Variants in FOXO3 observed in about 807,000 individuals in gnomAD.
FOXO3 encodes the protein forkhead box protein O3.
FOXO3 carries 4 observed loss-of-function variants against 41.9 expected under a neutral mutation model. The ratio of observed to expected loss-of-function variants is 0.10; its 90% CI spans 0.05 to 0.22. The LOEUF is 0.22. FOXO3 is among the 10% of genes least tolerant of loss of function. FOXO3 has a pLI of 1.00. For missense variants in FOXO3, 534 were observed against 906.8 expected (o/e 0.59, Z 5.28); for synonymous variants, 318 against 389.3 (o/e 0.82, Z 2.16).
In FOXO3 at chr6:108,605,526, C is replaced by G. The variant is rs148751960; in HGVS notation, c.621+43697C>G. Among the ~76,000 whole-genome samples the G allele has an allele frequency of 8.2e-3, 1,243 of 152,282 alleles. 14 individuals carry two copies. Among genetic ancestry groups the G allele is most frequent in the African/African-American group, 0.028 (1,183 of 41,540 alleles). On this transcript the variant is annotated intron_variant, in intron 1 of 2. Transcript: ENST00000406360. ...GTCTTTTACATACAGTATTTCTAAT[C>G]TATACCTTGGAAGTTGCTCATTTCT... is the stretch of plus-strand genomic sequence containing the variant.
intron 1 of FOXO3, among the ~76,000 whole-genome samples, chr6:108,578,636 G>A (rs1776326062): frequency 6.6e-6 from 1 of 152,018 alleles, no homozygotes; most frequent in Non-Finnish European, 1.5e-5. Context: ...TTTTTTTTGT[G>A]TGTGATCTTT....
rs1777243905 is a variant in FOXO3 at position 108,607,615 on chromosome 6, A to G, written c.621+45786A>G. 2.0e-5 allele frequency among the ~76,000 whole-genome samples: 3 copies of G among 152,116 alleles called. No homozygotes were observed. In the South Asian group the frequency reaches 6.2e-4, roughly 32 times the overall value. Reference sequence around the variant, plus strand: ...CTTGCTCTGTTTAGATGTCTAGATGATTATGGATACATTCTTTTCAGTCTC... The same window carrying G: ...CTTGCTCTGTTTAGATGTCTAGATGGTTATGGATACATTCTTTTCAGTCTC... On this transcript the variant is annotated intron_variant, in intron 1 of 2. Coordinates refer to ENST00000406360, the MANE Select transcript of FOXO3 (RefSeq NM_001455.4).
intron 1 of FOXO3, among the ~76,000 whole-genome samples, chr6:108,652,667 A>G (rs1778578673): frequency 6.6e-6 from 1 of 152,248 alleles, no homozygotes; most frequent in Admixed American, 6.5e-5. Context: ...TGTTTAGAAA[A>G]TAAAATGAGA....
intron 1 of FOXO3, among the ~76,000 whole-genome samples, chr6:108,615,221 A>T (rs1360277100): frequency 6.6e-6 from 1 of 152,060 alleles, no homozygotes; most frequent in Non-Finnish European, 1.5e-5. Flanking sequence ...TTAAGTTCAG[A>T]TGCCCATCTG....
At chr6:108,670,032 C>T (rs1228653220) in intron 2 of FOXO3, among the ~76,000 whole-genome samples, 6 of 152,160 alleles carry the variant, frequency 3.9e-5, no homozygotes, top group Admixed American at 2.6e-4. Context: ...TAGAGTCTTC[C>T]CCCAGGGGCC....
At chr6:108,611,556 A>G (rs1777364576) in intron 1 of FOXO3, among the ~76,000 whole-genome samples, 1 of 152,094 alleles carries the variant, frequency 6.6e-6, no homozygotes, top group South Asian at 2.1e-4. Flanking sequence ...ACTTTTCTCC[A>G]TTGTATAATG....
intron 1 of FOXO3, among the ~76,000 whole-genome samples, chr6:108,578,837 T>A (rs1041600719): frequency 6.6e-6 from 1 of 152,126 alleles, no homozygotes; most frequent in African/African-American, 2.4e-5. Flanking sequence ...GCTCTCGTGA[T>A]GAAGTCAGAG....
At chr6:108,621,990 C>T (rs1777679422) in intron 1 of FOXO3, among the ~76,000 whole-genome samples, 1 of 151,936 alleles carries the variant, frequency 6.6e-6, no homozygotes, top group South Asian at 2.1e-4. Context: ...TGGTGGCTTA[C>T]CTAGTAATCC....
At chr6:108,605,896 C>T (rs1562241926) in intron 1 of FOXO3, among the ~76,000 whole-genome samples, 1 of 152,156 alleles carries the variant, frequency 6.6e-6, no homozygotes, top group South Asian at 2.1e-4. Flanking sequence ...TTATTTTGTT[C>T]AATGTAGTGC....
At chr6:108,575,478 T>C (rs1268982331) in intron 1 of FOXO3, among the ~76,000 whole-genome samples, 2 of 152,150 alleles carry the variant, frequency 1.3e-5, no homozygotes, top group Non-Finnish European at 2.9e-5. Flanking sequence ...TTAGATCTCT[T>C]CATTTGAACA....
rs140381392 is a variant in FOXO3 at position 108,598,750 on chromosome 6, C to T, written c.621+36921C>T. ...GTTCTGGGAAGCCTCTCATTCATGA[C>T]ATTGGTTTGGCAGACAAATGGCTTC... On this transcript the variant is annotated intron_variant, in intron 1 of 2. Transcript: ENST00000406360. 3.3e-5 allele frequency among the ~76,000 whole-genome samples: 5 copies of T among 152,278 alleles called. No individual in the cohort carries two copies. In the East Asian group the frequency reaches 9.7e-4, roughly 29 times the overall value.
intron 1 of FOXO3, among the ~76,000 whole-genome samples, chr6:108,623,606 A>C (rs1398157507): frequency 6.6e-6 from 1 of 152,190 alleles, no homozygotes; most frequent in Admixed American, 6.6e-5. Context: ...TGTACTATAC[A>C]AAGCCACATG....
In FOXO3 at chr6:108,663,861, T is replaced by C. The variant is rs1778957187; in HGVS notation, c.1028T>C (p.Leu343Pro). 1 of 1,613,902 alleles carries C rather than the reference T, an allele frequency of 6.2e-7. No individual in the cohort carries two copies. ...GAAGTCCAGGACGATGATGCGCCTC[T>C]CTCGCCCATGCTCTACAGCAGCTCA... Reference protein sequence around the residue: ...LDEVQDDDAPLSPMLYSSSAS... With the variant: ...LDEVQDDDAPPSPMLYSSSAS... Residue 343 changes from leucine to proline, a missense_variant, in exon 2 of 3, where the codon CTC (leucine) becomes CCC (proline). Leu to Pro is a moderately conservative substitution (Grantham distance 98). Around this residue, in one of 8 missense-constraint regions of FOXO3, gnomAD observed 185 missense variants for 224.9 expected, o/e 0.82. Transcript: ENST00000406360.
At chr6:108,579,928 C>T (rs997646263) in intron 1 of FOXO3, among the ~76,000 whole-genome samples, 13 of 152,054 alleles carry the variant, frequency 8.5e-5, no homozygotes, top group South Asian at 2.1e-4. Flanking sequence ...GGTTTTGAGA[C>T]GGTCGGTGTC....
At chr6:108,645,218 A>G (rs1299658392) in intron 1 of FOXO3, among the ~76,000 whole-genome samples, 1 of 152,222 alleles carries the variant, frequency 6.6e-6, no homozygotes, top group African/African-American at 2.4e-5. Context: ...CCAAGTTACA[A>G]TATCCTGGTA....
At chr6:108,594,648 A>C (rs573852629) in intron 1 of FOXO3, among the ~76,000 whole-genome samples, 27 of 152,258 alleles carry the variant, frequency 1.8e-4, no homozygotes, top group African/African-American at 6.5e-4. Flanking sequence ...ATAGGTGGCA[A>C]ATCTCAGGTC....
chr6:108,672,847 T>A (rs867238436), intron 2 of FOXO3, among the ~76,000 whole-genome samples: 10 of 152,144 alleles, frequency 6.6e-5, no homozygotes, highest in Admixed American at 3.9e-4. Context: ...TTGTGGGATT[T>A]TTTTGTTTCC....
intron 2 of FOXO3, among the ~76,000 whole-genome samples, chr6:108,668,764 A>G (rs1030159040): frequency 1.3e-5 from 2 of 152,138 alleles, no homozygotes; most frequent in Non-Finnish European, 2.9e-5. Context: ...ATCTTGTAGA[A>G]TATTAGGTTT....
intron 1 of FOXO3, among the ~76,000 whole-genome samples, chr6:108,597,523 C>T (rs910855801): frequency 4.6e-5 from 7 of 152,016 alleles, no homozygotes; most frequent in Admixed American, 2.0e-4. Flanking sequence ...TTGTACCTAA[C>T]AAATGGATAA....
Sources: allele counts gnomAD v4.1 joint callset (sites outside exome capture counted in the v4.1 genomes callset), GRCh38; gene constraint gnomAD v4.1.1; regional missense constraint gnomAD v4.1.1; transcripts MANE v1.5; gene names NCBI Gene and HGNC (gene_info 2026-07-23, HGNC 2026-07-21).